SEMA6D: variants seen among roughly 807,000 people sequenced by gnomAD.
The protein encoded by SEMA6D is semaphorin-6D.
A neutral mutation model predicts 106.6 loss-of-function variants in SEMA6D; 35 were observed. That is an observed-to-expected ratio of 0.33 (90% CI 0.25 to 0.44). The LOEUF (loss-of-function observed/expected upper bound fraction) is 0.44. SEMA6D is among the 20% of genes least tolerant of loss of function. SEMA6D has a pLI of 1.00. For synonymous variants in SEMA6D, 499 were observed against 487.7 expected, an observed-to-expected ratio of 1.02 and a Z score of -0.31; for missense variants, 1,185 against 1,345.9, an observed-to-expected ratio of 0.88 and a Z score of 1.87.
At chr15:47,503,873 C>G (rs182539941) in intron 3 of SEMA6D, among the ~76,000 whole-genome samples, 1 of 152,100 alleles carries the variant, frequency 6.6e-6, no homozygotes, top group Admixed American at 6.6e-5. Context: ...ACCAAAAGGC[C>G]GAGAGAGAGA....
intron 1 of SEMA6D, among the ~76,000 whole-genome samples, chr15:47,308,362 A>G (rs908839030): frequency 1.3e-5 from 2 of 152,218 alleles, no homozygotes; most frequent in African/African-American, 4.8e-5. Flanking sequence ...AGAATAATAT[A>G]TACTGCATCT....
intron 1 of SEMA6D, among the ~76,000 whole-genome samples, chr15:47,335,893 G>T (rs182956587): frequency 3.9e-5 from 6 of 152,234 alleles, no homozygotes; most frequent in African/African-American, 1.4e-4. Flanking sequence ...CAAGTGGACC[G>T]GATGGAGCCT....
At chr15:47,744,019 C>A (rs1409023481) in intron 1 of SEMA6D, among the ~76,000 whole-genome samples, 1 of 152,128 alleles carries the variant, frequency 6.6e-6, no homozygotes, top group Non-Finnish European at 1.5e-5. Flanking sequence ...TTCTTTAACT[C>A]CTTGTCTGAA....
intron 2 of SEMA6D, among the ~76,000 whole-genome samples, chr15:47,442,164 A>G (rs2041902394): frequency 6.6e-6 from 1 of 152,066 alleles, no homozygotes; most frequent in African/African-American, 2.4e-5. Flanking sequence ...TTTCCACTCA[A>G]GTGTTTAAAA....
chr15:47,420,388 A>G (rs1479104668), intron 2 of SEMA6D, among the ~76,000 whole-genome samples: 1 of 151,824 alleles, frequency 6.6e-6, no homozygotes, highest in Non-Finnish European at 1.5e-5. Flanking sequence ...CCCCTCCCCT[A>G]ATTTTCTCTC....
chr15:47,614,238 C>T (rs1288618347), intron 4 of SEMA6D, among the ~76,000 whole-genome samples: 2 of 152,162 alleles, frequency 1.3e-5, no homozygotes, highest in African/African-American at 4.8e-5. Context: ...GTGCCCAAAC[C>T]ACTTCCCTGG....
chr15:47,672,190 T>TA (rs1362588926), intron 4 of SEMA6D, among the ~76,000 whole-genome samples: 1 of 152,184 alleles, frequency 6.6e-6, no homozygotes, highest in African/African-American at 2.4e-5. Flanking sequence ...GCAGAGCCAG[T>TA]ATTCAAAACC....
intron 1 of SEMA6D, among the ~76,000 whole-genome samples, chr15:47,333,871 CAT>C (rs2037444943): frequency 6.6e-6 from 1 of 152,176 alleles, no homozygotes; most frequent in Non-Finnish European, 1.5e-5. Flanking sequence ...ATGCGGGAAA[CAT>C]AATCTCTCTC....
intron 3 of SEMA6D, among the ~76,000 whole-genome samples, chr15:47,582,459 C>A (rs114520520): frequency 1.1e-3 from 167 of 152,256 alleles, no homozygotes; most frequent in African/African-American, 3.9e-3. Context: ...AGGGTAAATG[C>A]CTCAGCAAAA....
At chr15:47,743,724 G>A (rs569574682) in intron 1 of SEMA6D, among the ~76,000 whole-genome samples, 5 of 152,256 alleles carry the variant, frequency 3.3e-5, no homozygotes, top group African/African-American at 1.2e-4. Context: ...CACATCCAAA[G>A]GCAGAAAGGT....
intron 4 of SEMA6D, among the ~76,000 whole-genome samples, chr15:47,665,915 C>T (rs937138135): frequency 1.3e-5 from 2 of 152,184 alleles, no homozygotes; most frequent in African/African-American, 4.8e-5. Context: ...AAGAAACAAC[C>T]TCAGGAGGCT....
rs145202248 is a variant in SEMA6D at position 47,586,823 on chromosome 15, C to T, written c.-86-14042C>T. Reference sequence around the variant, plus strand: ...AGTCTGTAAAGAAAATTCTGTTTCCCTACTTATTTTTTGCTAGAACTGTAT... The same window carrying T: ...AGTCTGTAAAGAAAATTCTGTTTCCTTACTTATTTTTTGCTAGAACTGTAT... On this transcript the variant is annotated intron_variant, in intron 3 of 19. Transcript: ENST00000558014. Among the ~76,000 whole-genome samples the T allele has an allele frequency of 8.6e-3, 1,306 of 151,548 alleles. 10 individuals are homozygous for T. Among genetic ancestry groups the T allele is most frequent in the Admixed American group, 0.02 (309 of 15,226 alleles).
At chr15:47,298,298 G>C (rs1168049816) in intron 1 of SEMA6D, among the ~76,000 whole-genome samples, 1 of 151,806 alleles carries the variant, frequency 6.6e-6, no homozygotes, top group Non-Finnish European at 1.5e-5. Context: ...AACTTCCTAA[G>C]CTCAGCTCAA....
chr15:47,248,782 G>A (rs1464511254), intron 1 of SEMA6D, among the ~76,000 whole-genome samples: 1 of 152,150 alleles, frequency 6.6e-6, no homozygotes, highest in African/African-American at 2.4e-5. Context: ...AGATAACAGT[G>A]GCCTCTAAAT....
At chr15:47,302,644 T>C (rs1414630995) in intron 1 of SEMA6D, among the ~76,000 whole-genome samples, 1 of 152,142 alleles carries the variant, frequency 6.6e-6, no homozygotes, top group African/African-American at 2.4e-5. Context: ...GAAGGGGATG[T>C]GATTACAGAA....
At chr15:47,201,114 A>G (rs1894699284) in intron 1 of SEMA6D, among the ~76,000 whole-genome samples, 1 of 152,138 alleles carries the variant, frequency 6.6e-6, no homozygotes, top group Admixed American at 6.6e-5. Flanking sequence ...TATATTTTGG[A>G]ATATTCAGTC....
intron 1 of SEMA6D, among the ~76,000 whole-genome samples, chr15:47,251,742 T>C (rs1483949239): frequency 6.6e-6 from 1 of 152,124 alleles, no homozygotes; most frequent in Non-Finnish European, 1.5e-5. Context: ...TTTGTTATTA[T>C]AGCTATTCTG....
chr15:47,303,125 A>G (rs936827678), intron 1 of SEMA6D, among the ~76,000 whole-genome samples: 1 of 152,228 alleles, frequency 6.6e-6, no homozygotes, highest in African/African-American at 2.4e-5. Flanking sequence ...AGAATAAGGG[A>G]GAACAGGAGC....
At chr15:47,375,540 G>A (rs1357830910) in intron 1 of SEMA6D, among the ~76,000 whole-genome samples, 1 of 151,970 alleles carries the variant, frequency 6.6e-6, no homozygotes, top group Admixed American at 6.6e-5. Context: ...TATGTATCTT[G>A]TTATGTTAAC....
Sources: allele counts gnomAD v4.1 joint callset (sites outside exome capture counted in the v4.1 genomes callset), GRCh38; gene constraint gnomAD v4.1.1; transcripts MANE v1.5; gene names NCBI Gene and HGNC (gene_info 2026-07-23, HGNC 2026-07-21).